Variants in MED12L observed in about 807,000 individuals in gnomAD.
MED12L encodes mediator complex subunit 12L.
MED12L carries 60 observed loss-of-function variants against 281.3 expected under a neutral mutation model. The observed-to-expected ratio is 0.21, with a 90% CI of 0.17 to 0.26. The LOEUF is 0.26. Among genes scored for constraint, MED12L ranks in the 10% least tolerant of loss-of-function variants. MED12L has a pLI of 1.00. For synonymous variants in MED12L, 974 were observed against 987.2 expected, an observed-to-expected ratio of 0.99 and a Z score of 0.25; for missense variants, 2,146 against 2,680.9, an observed-to-expected ratio of 0.80 and a Z score of 4.41.
chr3:151,167,509 A>C (rs893125955), intron 11 of MED12L, among the ~76,000 whole-genome samples: 2 of 152,210 alleles, frequency 1.3e-5, no homozygotes, highest in African/African-American at 4.8e-5. Context: ...TCTTACCTTT[A>C]TGTGAGCCTG....
At chr3:151,164,185 G>T in intron 9 of MED12L, 143 bp downstream of exon 9, 1 of 827,702 alleles carries the variant, frequency 1.2e-6, no homozygotes, top group Non-Finnish European at 1.8e-6. Context: ...TGACCTTAGA[G>T]AATTGTTTAG....
intron 2 of MED12L, among the ~76,000 whole-genome samples, chr3:151,108,471 G>A (rs1711496533): frequency 1.3e-5 from 2 of 152,168 alleles, no homozygotes; most frequent in South Asian, 2.1e-4. Flanking sequence ...CCAAACTGGG[G>A]TTTACAGACA....
At chr3:151,305,952 A>G (rs1746579137) in intron 16 of MED12L, among the ~76,000 whole-genome samples, 1 of 152,176 alleles carries the variant, frequency 6.6e-6, no homozygotes. Context: ...ATCCAGCACT[A>G]TTAGTTGCCT....
chr3:151,214,266 G>T (rs1207376429), intron 16 of MED12L: 1 of 1,614,014 alleles, frequency 6.2e-7, no homozygotes, highest in South Asian at 1.1e-5. Context: ...TGATCAGGAG[G>T]TTCTGAGAGC....
At chr3:151,341,873 T>C (rs1420108680) in intron 16 of MED12L, among the ~76,000 whole-genome samples, 3 of 151,988 alleles carry the variant, frequency 2.0e-5, no homozygotes, top group African/African-American at 2.4e-5. Context: ...TGATGATTTC[T>C]AATTTCATCC....
chr3:151,279,126 A>G (rs988828379), intron 16 of MED12L, among the ~76,000 whole-genome samples: 2 of 152,224 alleles, frequency 1.3e-5, no homozygotes, highest in Admixed American at 1.3e-4. Context: ...GAAGATGGCT[A>G]CAAAGTCCTC....
At chr3:151,159,727 G>T in intron 7 of MED12L, 105 bp from the exon 8 acceptor site, 1 of 1,127,938 alleles carries the variant, frequency 8.9e-7, no homozygotes, top group South Asian at 1.6e-5. Flanking sequence ...TTATACCTTT[G>T]AAGTTTTTTT....
chr3:151,208,341 T>G (rs1262636157), intron 16 of MED12L, among the ~76,000 whole-genome samples: 2 of 152,152 alleles, frequency 1.3e-5, no homozygotes, highest in Non-Finnish European at 2.9e-5. Context: ...ACAACATAAC[T>G]AACAGCTTGA....
At chr3:151,235,288 G>A (rs1732504728) in intron 16 of MED12L, among the ~76,000 whole-genome samples, 1 of 152,130 alleles carries the variant, frequency 6.6e-6, no homozygotes, top group Non-Finnish European at 1.5e-5. Flanking sequence ...AAACTGATGG[G>A]GGCAGGGCCC....
chr3:151,377,220 C>T, intron 30 of MED12L, 42 bp downstream of exon 30: 2 of 1,532,354 alleles, frequency 1.3e-6, no homozygotes, highest in East Asian at 4.5e-5. Flanking sequence ...ATGAATTTTT[C>T]ACAAGTAACG....
intron 16 of MED12L, among the ~76,000 whole-genome samples, chr3:151,226,331 A>T (rs990255335): frequency 1.3e-5 from 2 of 152,182 alleles, no homozygotes; most frequent in African/African-American, 4.8e-5. Context: ...ACAGTGGGGG[A>T]AAATGGATGG....
At chr3:151,283,581 A>C (rs765585224) in intron 16 of MED12L, among the ~76,000 whole-genome samples, 5 of 152,190 alleles carry the variant, frequency 3.3e-5, no homozygotes, top group Non-Finnish European at 7.3e-5. Flanking sequence ...TGTTGTCATT[A>C]TTCTTCTGAT....
At chr3:151,226,283 T>C (rs906890933) in intron 16 of MED12L, among the ~76,000 whole-genome samples, 5 of 152,168 alleles carry the variant, frequency 3.3e-5, no homozygotes, top group Non-Finnish European at 7.4e-5. Flanking sequence ...GTGAGAGAGC[T>C]ATAGGAACAG....
At chr3:151,386,645 C>T (rs1713416510) in intron 36 of MED12L, among the ~76,000 whole-genome samples, 3 of 148,728 alleles carry the variant, frequency 2.0e-5, no homozygotes, top group South Asian at 4.3e-4. Context: ...GGCGTGATCT[C>T]GGCTCACTGC....
intron 11 of MED12L, among the ~76,000 whole-genome samples, chr3:151,179,916 T>C (rs1722513594): frequency 6.6e-6 from 1 of 152,162 alleles, no homozygotes. Flanking sequence ...TCTTTTAAAG[T>C]AGGCGCAGAA....
intron 16 of MED12L, among the ~76,000 whole-genome samples, chr3:151,241,146 T>C (rs967800736): frequency 6.6e-6 from 1 of 152,192 alleles, no homozygotes; most frequent in African/African-American, 2.4e-5. Context: ...TTATGTAAAA[T>C]ATCATTAGTG....
chr3:151,296,426 C>T (rs918811288), intron 16 of MED12L, among the ~76,000 whole-genome samples: 40 of 152,298 alleles, frequency 2.6e-4, no homozygotes, highest in Middle Eastern at 6.8e-3. Context: ...CCGCGGACTG[C>T]TCCAGGCCTG....
rs370146592 is a variant in MED12L, at chr3:151,139,155, C to T, written c.556+11171C>T. 5.0e-4 allele frequency among the ~76,000 whole-genome samples: 76 copies of T among 152,218 alleles called. No homozygotes were observed. The South Asian group carries it at 0.016, about 31-fold the overall frequency. On this transcript the variant is annotated intron_variant, in intron 5 of 44. Coordinates refer to ENST00000687756, the MANE Select transcript of MED12L (RefSeq NM_001393769.1). ...CATTGAGAGCTCTTTCAGCTGTGTC[C>T]TGTGTCCATTTGACATACCCATCTT...
chr3:151,198,197 C>G, intron 16 of MED12L: 1 of 386,258 alleles, frequency 2.6e-6, no homozygotes, highest in Non-Finnish European at 4.6e-6. Flanking sequence ...CAATGAGACT[C>G]TTTAGTTTTT....
Sources: gnomAD v4.1 joint callset for allele counts (sites outside exome capture counted in the v4.1 genomes callset) on GRCh38, gnomAD v4.1.1 for gene constraint, MANE v1.5 for transcripts, NCBI Gene and HGNC (gene_info 2026-07-23, HGNC 2026-07-21) for gene names.